The following PPM1H variants were observed in gnomAD, a reference collection of about 807,000 sequenced individuals.
PPM1H encodes the protein protein phosphatase, Mg2+/Mn2+ dependent 1H.
PPM1H carries 27 observed loss-of-function variants against 54.9 expected under a neutral mutation model. That is an observed-to-expected ratio of 0.49 (90% CI 0.36 to 0.68). The LOEUF (loss-of-function observed/expected upper bound fraction) is 0.68, where lower values mean the gene tolerates loss of function less well. PPM1H is among the 30% of genes least tolerant of loss of function. PPM1H has a pLI of 0.00. For synonymous variants in PPM1H, 305 were observed against 270.8 expected (o/e 1.13, Z -1.24); for missense variants, 596 against 667.8 (o/e 0.89, Z 1.19).
chr12:62,918,207 C>T (rs1280804021), intron 1 of PPM1H, among the ~76,000 whole-genome samples: 1 of 152,096 alleles, frequency 6.6e-6, no homozygotes, highest in African/African-American at 2.4e-5. Flanking sequence ...AAGACTACCT[C>T]AAGCTGCCCC....
At chr12:62,772,341 T>C (rs1230997310) in intron 4 of PPM1H, among the ~76,000 whole-genome samples, 1 of 152,130 alleles carries the variant, frequency 6.6e-6, no homozygotes, top group East Asian at 1.9e-4. Context: ...CCCACGTGAG[T>C]TCCAAGTGCA....
At chr12:62,656,046 T>C (rs1435717715) in intron 9 of PPM1H, among the ~76,000 whole-genome samples, 3 of 152,198 alleles carry the variant, frequency 2.0e-5, no homozygotes, top group African/African-American at 4.8e-5. Context: ...TGAAGAGCGA[T>C]GGGAAGGCCA....
chr12:62,917,827 A>G (rs1871670617), intron 1 of PPM1H, among the ~76,000 whole-genome samples: 1 of 152,102 alleles, frequency 6.6e-6, no homozygotes, highest in Non-Finnish European at 1.5e-5. Flanking sequence ...CTGTCCTCTA[A>G]GCAAGGGGAT....
At chr12:62,689,493 A>C (rs1177641910) in intron 8 of PPM1H, among the ~76,000 whole-genome samples, 1 of 152,220 alleles carries the variant, frequency 6.6e-6, no homozygotes, top group African/African-American at 2.4e-5. Context: ...GAGGCTGTGC[A>C]GCCATCTGGG....
intron 2 of PPM1H, among the ~76,000 whole-genome samples, chr12:62,819,033 C>T (rs1476293299): frequency 1.3e-5 from 2 of 151,692 alleles, no homozygotes; most frequent in Non-Finnish European, 2.9e-5. Flanking sequence ...TTTGCCCAGG[C>T]TAGTTGCGAA....
intron 1 of PPM1H, among the ~76,000 whole-genome samples, chr12:62,894,758 G>A (rs542932311): frequency 5.3e-5 from 8 of 152,254 alleles, no homozygotes; most frequent in South Asian, 4.1e-4. Flanking sequence ...TTTGCTAGGC[G>A]CCGTGGCTCA....
intron 4 of PPM1H, among the ~76,000 whole-genome samples, chr12:62,750,507 T>C (rs1027246613): frequency 1.3e-5 from 2 of 152,258 alleles, no homozygotes; most frequent in African/African-American, 4.8e-5. Context: ...ATTTTGTTTA[T>C]CCATTCATTA....
chr12:62,825,489 T>C (rs1345085053), intron 2 of PPM1H, among the ~76,000 whole-genome samples: 1 of 152,202 alleles, frequency 6.6e-6, no homozygotes, highest in Admixed American at 6.5e-5. Context: ...AATCCAAATG[T>C]CCATCAGTGA....
chr12:62,761,358 C>G (rs342142), intron 4 of PPM1H, among the ~76,000 whole-genome samples: 3 of 152,046 alleles, frequency 2.0e-5, no homozygotes, highest in African/African-American at 7.2e-5. Context: ...CCCTGGGGGG[C>G]AAATGGGATT....
At chr12:62,752,052 A>T (rs2076445293) in intron 4 of PPM1H, among the ~76,000 whole-genome samples, 3 of 152,186 alleles carry the variant, frequency 2.0e-5, no homozygotes, top group Admixed American at 2.0e-4. Flanking sequence ...TGGGTTTGGG[A>T]GCTGGCTGTG....
chr12:62,662,438 G>A (rs925256001), intron 9 of PPM1H, among the ~76,000 whole-genome samples: 1 of 152,148 alleles, frequency 6.6e-6, no homozygotes, highest in Non-Finnish European at 1.5e-5. Context: ...ATTCGAGGAG[G>A]AGACAGATGG....
chr12:62,876,306 T>A (rs1205102268), intron 1 of PPM1H, among the ~76,000 whole-genome samples: 1 of 152,192 alleles, frequency 6.6e-6, no homozygotes, highest in Non-Finnish European at 1.5e-5. Flanking sequence ...CAGACAAGTA[T>A]GCTTAGTATG....
At chr12:62,840,465 C>T (rs1013864825) in intron 1 of PPM1H, among the ~76,000 whole-genome samples, 1 of 152,096 alleles carries the variant, frequency 6.6e-6, no homozygotes, top group African/African-American at 2.4e-5. Context: ...CTACAATTTG[C>T]TTGAATTAAT....
intron 6 of PPM1H, among the ~76,000 whole-genome samples, chr12:62,694,963 CTAAG>C (rs2076105764): frequency 6.6e-6 from 1 of 152,128 alleles, no homozygotes; most frequent in Non-Finnish European, 1.5e-5. Context: ...ATTTAAAAGA[CTAAG>C]TAAAAGATAG....
At chr12:62,815,156 C>T (rs556471421) in intron 2 of PPM1H, among the ~76,000 whole-genome samples, 86 of 152,006 alleles carry the variant, frequency 5.7e-4, no homozygotes, top group Non-Finnish European at 8.8e-4. Context: ...GAGCCATGAC[C>T]CTACAGCGTT....
chr12:62,934,868 C>A lies in PPM1H; in HGVS notation c.-132G>T, dbSNP rs900158616. ...TCGGGCCACTGGGACGCGCCGCGCG[C>A]GGCTCCCAGAGCCTAGTGCTGCAGG... is the stretch of plus-strand genomic sequence containing the variant. On this transcript the variant is annotated 5_prime_UTR_variant, in exon 1 of 10. Coordinates refer to ENST00000228705, the MANE Select transcript of PPM1H (RefSeq NM_020700.2). This position sits in a 1 kb window ranked among gnomAD's most constrained non-coding sequence, Gnocchi z 4.2. 3.4e-5 allele frequency: 32 copies of A among 938,054 alleles called. No homozygotes were observed. The highest frequency in any genetic ancestry group is 4.3e-5 in the Non-Finnish European group (31 of 726,516). The allele number at this position is 938,054 out of a possible 1,614,324, so 58.1% of individuals were successfully genotyped here.
chr12:62,648,223 C>A lies in PPM1H; in HGVS notation c.*266G>T, dbSNP rs1333471088. ...ATATACCCCAAATAGTCAATGGCCA[C>A]CTCGGAGGCCTATGAAAGGAACTGA... On this transcript the variant is annotated 3_prime_UTR_variant, in exon 10 of 10. Coordinates refer to ENST00000228705, the MANE Select transcript of PPM1H (RefSeq NM_020700.2). The A allele has an allele frequency of 2.6e-6, 1 of 391,708 alleles. No individual in the cohort carries two copies. Among genetic ancestry groups the A allele is most frequent in the East Asian group, 4.6e-5 (1 of 21,864 alleles). 24.3% of individuals were successfully genotyped at this position (391,708 alleles called of 1,614,324 possible).
chr12:62,703,552 TC>T (rs2076156026), intron 6 of PPM1H, among the ~76,000 whole-genome samples: 2 of 151,776 alleles, frequency 1.3e-5, no homozygotes. Context: ...ACATCTTCGG[TC>T]CCCCTTCTTG....
intron 3 of PPM1H, 51 bp downstream of exon 3, chr12:62,801,765 G>A: frequency 6.3e-7 from 1 of 1,590,394 alleles, no homozygotes; most frequent in Non-Finnish European, 8.6e-7. Flanking sequence ...GGACAGACCT[G>A]GCGCAGGCGC....
Sources: gnomAD v4.1 joint callset for allele counts (sites outside exome capture counted in the v4.1 genomes callset) on GRCh38, gnomAD v4.1.1 for gene constraint, Gnocchi (gnomAD v3.1) non-coding constraint, MANE v1.5 for transcripts, NCBI Gene and HGNC (gene_info 2026-07-23, HGNC 2026-07-21) for gene names.